Variants in FLYWCH1 observed in about 807,000 individuals in gnomAD.
The protein encoded by FLYWCH1 is FLYWCH-type zinc finger-containing protein 1.
Under a neutral mutation model 66.4 loss-of-function variants are expected in FLYWCH1, and 75 were observed. The observed-to-expected ratio is 1.13, with a 90% CI of 0.94 to 1.37. The LOEUF (loss-of-function observed/expected upper bound fraction) is 1.37. FLYWCH1 is among the 40% of genes most tolerant of loss of function. The pLI, the probability that FLYWCH1 is intolerant of heterozygous loss-of-function variation, is 0.00. For missense variants in FLYWCH1, 1,334 were observed against 1,001.8 expected (o/e 1.33, Z -4.48); for synonymous variants, 595 against 429.9 (o/e 1.38, Z -4.75).
rs570434415 is a variant in FLYWCH1 at position 2,948,799 on chromosome 16, C to T, written c.*72C>T. On this transcript the variant is annotated 3_prime_UTR_variant, in exon 10 of 10. Transcript: ENST00000253928. ...CACATCCACACAGGCACTTCCCATC[C>T]ACCTAGGTTTGGCTTAGCAGAAACT... 2.5e-5 allele frequency: 36 copies of T among 1,416,388 alleles called. No individual in the cohort carries two copies. In the East Asian group the frequency reaches 8.0e-4, roughly 31 times the overall value. The allele number at this position is 1,416,388 out of a possible 1,614,324, so 87.7% of individuals were successfully genotyped here.
chr16:2,931,239 G>A (rs553661733), intron 4 of FLYWCH1, among the ~76,000 whole-genome samples: 82 of 147,898 alleles, frequency 5.5e-4, no homozygotes, highest in Middle Eastern at 3.6e-3. Context: ...GGAGGCAGAG[G>A]TTGCAGTAAG....
intron 4 of FLYWCH1, among the ~76,000 whole-genome samples, chr16:2,932,270 CAA>C (rs71158125): frequency 0.19 from 10,302 of 54,264 alleles, 361 homozygotes; most frequent in Non-Finnish European, 0.23. Context: ...GACCCTGTCT[CAA>C]AAAAAAAAAA....
Position 2,933,572 on chromosome 16 carries a change from C to G in FLYWCH1, c.1239C>G (p.Asp413Glu). ...PEAPDEHQDM[D>E]ADPGGPEFLK... ...CCCCAGACGAGCACCAGGACATGGA[C>G]GCAGACCCGGGTGAGCTGCCTTCCT... The change falls in exon 5 of 10, where the codon GAC becomes GAG. Residue 413 changes from aspartate to glutamate, a missense_variant. Physicochemically the swap from Asp to Glu is conservative, Grantham distance 45. Coordinates refer to ENST00000253928, the MANE Select transcript of FLYWCH1 (RefSeq NM_001308068.2). 6.3e-7 allele frequency: 1 copy of G among 1,591,268 alleles called. No individual in the cohort carries two copies. Among genetic ancestry groups the G allele is most frequent in the Non-Finnish European group, 8.6e-7 (1 of 1,167,888 alleles).
intron 9 of FLYWCH1, among the ~76,000 whole-genome samples, chr16:2,947,035 G>C (rs1016731008): frequency 2.6e-5 from 4 of 152,104 alleles, no homozygotes; most frequent in Non-Finnish European, 2.9e-5. Flanking sequence ...CCACACAGAA[G>C]TATACACAAA....
chr16:2,932,302 C>CTGGTGGGA (rs1326480256), intron 4 of FLYWCH1, among the ~76,000 whole-genome samples: 1 of 132,834 alleles, frequency 7.5e-6, no homozygotes, highest in African/African-American at 2.7e-5. Context: ...AAAAAGATGG[C>CTGGTGGGA]TGGTGGGAGA....
chr16:2,948,129 C>T (rs1255505383), intron 9 of FLYWCH1, among the ~76,000 whole-genome samples: 9 of 152,190 alleles, frequency 5.9e-5, no homozygotes, highest in African/African-American at 1.7e-4. Context: ...TTCTAGGGCA[C>T]GAATTGAAAC....
At chr16:2,934,746 G>C (rs1379400209) in intron 6 of FLYWCH1, 1 of 448,528 alleles carries the variant, frequency 2.2e-6, no homozygotes, top group East Asian at 7.0e-5. Context: ...CATCTCCAGA[G>C]AGACAGTGCT....
At position 2,933,969 on chromosome 16, in the gene FLYWCH1, G is replaced by T. The variant is rs777571148; in HGVS notation, c.1503G>T (p.Arg501=). 6.5e-7 allele frequency: 1 copy of T among 1,535,768 alleles called. No individual in the cohort carries two copies. Among genetic ancestry groups the T allele is most frequent in the East Asian group, 2.4e-5 (1 of 40,992 alleles). Reference sequence around the variant, plus strand: ...AGAAACGCCCCAACACGGCGCAGCGGGGGAGCCCAGGTACCTGGGGGTGGG... The same window carrying T: ...AGAAACGCCCCAACACGGCGCAGCGTGGGAGCCCAGGTACCTGGGGGTGGG... ...QREKRPNTAQ[R]GSPGGPEFLK... Residue 501 remains arginine, a synonymous_variant, in exon 6 of 10, where the codon CGG becomes CGT. Transcript: ENST00000253928.
Position 2,948,830 on chromosome 16 carries a change from T to C in FLYWCH1, c.*103T>C. The C allele has an allele frequency of 9.6e-7, 1 of 1,040,078 alleles. No individual in the cohort carries two copies. Among genetic ancestry groups the C allele is most frequent in the South Asian group, 1.3e-5 (1 of 76,878 alleles). The allele number at this position is 1,040,078 out of a possible 1,614,324, so 64.4% of individuals were successfully genotyped here. A position where few individuals can be genotyped will look rare whatever the true frequency, so the allele number is the denominator to read the frequency against. ...GGTTTGGCTTAGCAGAAACTTCTTT[T>C]CATTCTTCCAAAGCATCGATGGTCT... On this transcript the variant is annotated 3_prime_UTR_variant, in exon 10 of 10. Transcript: ENST00000253928.
intron 7 of FLYWCH1, among the ~76,000 whole-genome samples, chr16:2,937,783 T>G (rs1238617274): frequency 6.6e-6 from 1 of 152,116 alleles, no homozygotes; most frequent in Non-Finnish European, 1.5e-5. Context: ...TCATGTGACC[T>G]TTTAGTTCAG....
At chr16:2,937,613 C>T (rs17603679) in intron 7 of FLYWCH1, among the ~76,000 whole-genome samples, 32,117 of 152,104 alleles carry the variant, frequency 0.21, 4,193 homozygotes, top group Non-Finnish European at 0.28. Flanking sequence ...ACTCAGCTCT[C>T]TAGAGGAAGA....
intron 2 of FLYWCH1, among the ~76,000 whole-genome samples, chr16:2,922,042 A>C (rs1371617768): frequency 1.3e-5 from 2 of 152,168 alleles, no homozygotes; most frequent in African/African-American, 4.8e-5. Flanking sequence ...CTGCCTGGGC[A>C]ACTGGGTGAC....
In FLYWCH1 at chr16:2,938,336, A is replaced by G. The variant is rs545140135; in HGVS notation, c.1930A>G (p.Ile644Val). 1 of 1,606,636 alleles carries G rather than the reference A, an allele frequency of 6.2e-7. No homozygotes were observed. The highest frequency in any genetic ancestry group is 2.2e-5 in the East Asian group (1 of 44,732). ...TCGGCTGGGCTGCCGCAGCCGCGCC[A>G]TAACCCAGGGCCACCGCATCATGGT... ...QARLGCRSRAITQGHRIMVMR... is the reference protein window; with the variant it reads ...QARLGCRSRAVTQGHRIMVMR... The change falls in exon 8 of 10, where the codon ATA (isoleucine) becomes GTA (valine). Residue 644 changes from isoleucine to valine, a missense_variant. By Grantham distance (29) the Ile-to-Val change is conservative. Transcript: ENST00000253928.
chr16:2,912,855 TAGTC>T (rs745634862), intron 1 of FLYWCH1, among the ~76,000 whole-genome samples: 9 of 152,226 alleles, frequency 5.9e-5, no homozygotes, highest in Non-Finnish European at 1.3e-4. Flanking sequence ...TGAACTCCCA[TAGTC>T]AGATAATCAT....
chr16:2,948,259 G>A (rs1400094413), intron 9 of FLYWCH1, among the ~76,000 whole-genome samples: 3 of 152,006 alleles, frequency 2.0e-5, no homozygotes, highest in Non-Finnish European at 4.4e-5. Flanking sequence ...ATGGATGGAT[G>A]TGTGTGTAAA....
intron 6 of FLYWCH1, chr16:2,934,722 TTC>T: frequency 2.2e-6 from 1 of 454,192 alleles, no homozygotes; most frequent in Non-Finnish European, 4.4e-6. Context: ...GTGATTGTCT[TTC>T]TCTTTTTGTT....
chr16:2,930,558 G>T lies in FLYWCH1; in HGVS notation c.474G>T (p.Arg158=). The T allele has an allele frequency of 6.4e-7, 1 of 1,553,696 alleles. No individual in the cohort carries two copies. Among genetic ancestry groups the T allele is most frequent in the Admixed American group, 2.1e-5 (1 of 48,110 alleles). Residue 158 remains arginine (R), a synonymous_variant, in exon 4 of 10, where the codon CGG becomes CGT. Transcript: ENST00000253928. ...RQHAELGCRG[R]AITRGLRATV... ...ATGCTGAGCTGGGCTGCCGGGGCCG[G>T]GCCATCACCCGAGGCCTGCGGGCCA...
At chr16:2,932,270 CAAAAAAAAA>C (rs71158125) in intron 4 of FLYWCH1, among the ~76,000 whole-genome samples, 5 of 55,302 alleles carry the variant, frequency 9.0e-5, no homozygotes, top group East Asian at 5.1e-4. Context: ...GACCCTGTCT[CAAAAAAAAA>C]AAAAAAAAAA....
chr16:2,936,820 G>A lies in FLYWCH1; in HGVS notation c.1514-301G>A, dbSNP rs147298433. 1,584 of 588,584 alleles carry A rather than the reference G, an allele frequency of 2.7e-3. 14 individuals carry two copies. The highest frequency in any genetic ancestry group is 0.024 in the African/African-American group (1,334 of 54,904). The allele number at this position is 588,584 out of a possible 1,614,324, so 36.5% of individuals were successfully genotyped here. On this transcript the variant is annotated intron_variant, in intron 6 of 9. Coordinates refer to ENST00000253928, the MANE Select transcript of FLYWCH1 (RefSeq NM_001308068.2). ...GCGCACCCTGCATGCAAGCCTGGGC[G>A]GGTGCTGGGGACGGACGAGTGACGC...
Sources: gnomAD v4.1 joint callset for allele counts (sites outside exome capture counted in the v4.1 genomes callset) on GRCh38, gnomAD v4.1.1 for gene constraint, MANE v1.5 for transcripts, NCBI Gene and HGNC (gene_info 2026-07-23, HGNC 2026-07-21) for gene names.